PRELID2: variants seen among roughly 807,000 people sequenced by gnomAD.
PRELID2 encodes PRELI domain containing 2.
In PRELID2, 25 loss-of-function variants were observed where a neutral mutation model predicts 28.4. The ratio of observed to expected loss-of-function variants is 0.88; its 90% CI spans 0.64 to 1.23. The LOEUF (loss-of-function observed/expected upper bound fraction) is 1.23, where lower values mean the gene tolerates loss of function less well. PRELID2 is among the 50% of genes most tolerant of loss of function. PRELID2 has a pLI of 0.00. For missense variants in PRELID2, 201 were observed against 214.4 expected (o/e 0.94, Z 0.39); for synonymous variants, 76 against 71.6 (o/e 1.06, Z -0.31).
At chr5:145,377,252 ATTGT>A in the PRELID2 span, among the ~76,000 whole-genome samples, 14 of 152,204 alleles carry the variant, frequency 9.2e-5, 1 homozygote, top group African/African-American at 2.9e-4. Context: ...GGTCTGACAG[ATTGT>A]TTGTTATGAT....
chr5:145,538,609 G>A (rs986162673), intron 1 of PRELID2, among the ~76,000 whole-genome samples: 1 of 151,906 alleles, frequency 6.6e-6, no homozygotes, highest in African/African-American at 2.4e-5. Context: ...GTATCAGAAG[G>A]TGTCTAGCTG....
intron 1 of PRELID2, among the ~76,000 whole-genome samples, chr5:145,740,265 A>AATATATATATAT (rs70998029): frequency 1.2e-4 from 5 of 40,646 alleles, no homozygotes; most frequent in Non-Finnish European, 1.9e-4. Flanking sequence ...GGATTTATCA[A>AATATATATATAT]ATATATATAT....
chr5:145,419,560 C>T, the PRELID2 span, among the ~76,000 whole-genome samples: 2 of 138,916 alleles, frequency 1.4e-5, no homozygotes, highest in Admixed American at 1.5e-4. Flanking sequence ...GTCCTTCGCC[C>T]ACTTTTTGAT....
chr5:145,327,068 C>G, the PRELID2 span, among the ~76,000 whole-genome samples: 18 of 152,106 alleles, frequency 1.2e-4, no homozygotes, highest in African/African-American at 4.3e-4. Flanking sequence ...GGCCTAAAAT[C>G]GTAAAAATCA....
intron 1 of PRELID2, among the ~76,000 whole-genome samples, chr5:145,520,891 C>T (rs1426102188): frequency 1.3e-5 from 2 of 152,124 alleles, no homozygotes; most frequent in East Asian, 1.9e-4. Flanking sequence ...ACCTGGACCA[C>T]ATTCTTATTT....
At chr5:145,577,019 C>G (rs928154671) in intron 1 of PRELID2, among the ~76,000 whole-genome samples, 1 of 152,124 alleles carries the variant, frequency 6.6e-6, no homozygotes, top group African/African-American at 2.4e-5. Context: ...TAAGGCACTT[C>G]CCAGCACCAC....
chr5:145,559,297 T>C (rs896916089), intron 1 of PRELID2, among the ~76,000 whole-genome samples: 18 of 150,184 alleles, frequency 1.2e-4, no homozygotes, highest in South Asian at 4.2e-4. Context: ...CTGTAATAAA[T>C]GTCCATCAAA....
At chr5:145,313,367 T>A in the PRELID2 span, among the ~76,000 whole-genome samples, 1 of 152,232 alleles carries the variant, frequency 6.6e-6, no homozygotes, top group Non-Finnish European at 1.5e-5. Flanking sequence ...GCCTTCTTAA[T>A]TTGAGAAGGG....
At chr5:145,489,262 G>A (rs780970770) in intron 1 of PRELID2, among the ~76,000 whole-genome samples, 13 of 152,038 alleles carry the variant, frequency 8.6e-5, no homozygotes, top group African/African-American at 7.2e-5. Flanking sequence ...GGATTCCACC[G>A]GATAAACGAA....
chr5:145,504,560 T>C (rs1178413316), intron 1 of PRELID2, among the ~76,000 whole-genome samples: 3 of 152,176 alleles, frequency 2.0e-5, no homozygotes, highest in Non-Finnish European at 4.4e-5. Flanking sequence ...TAAGGCAACG[T>C]GGGGTCATGA....
intron 1 of PRELID2, among the ~76,000 whole-genome samples, chr5:145,658,258 G>A (rs993277537): frequency 4.6e-5 from 7 of 152,168 alleles, no homozygotes; most frequent in Admixed American, 2.6e-4. Flanking sequence ...AAGGCAGATC[G>A]AAAATGTGGT....
At chr5:145,500,184 G>A (rs1292784149) in intron 1 of PRELID2, among the ~76,000 whole-genome samples, 1 of 152,128 alleles carries the variant, frequency 6.6e-6, no homozygotes, top group Non-Finnish European at 1.5e-5. Flanking sequence ...GTTGGAGGAG[G>A]GGCCTGGTGG....
the PRELID2 span, among the ~76,000 whole-genome samples, chr5:145,369,150 T>C: frequency 2.0e-5 from 3 of 152,010 alleles, no homozygotes; most frequent in Non-Finnish European, 1.5e-5. Flanking sequence ...ATGATTTTGT[T>C]CTTTAAAAAA....
intron 5 of PRELID2, among the ~76,000 whole-genome samples, chr5:145,793,870 T>C (rs1244779279): frequency 6.6e-6 from 1 of 152,032 alleles, no homozygotes; most frequent in Non-Finnish European, 1.5e-5. Context: ...AGTGGGATCA[T>C]GCTAGAAACT....
chr5:145,725,172 T>C (rs1338975638), intron 1 of PRELID2, among the ~76,000 whole-genome samples: 1 of 152,014 alleles, frequency 6.6e-6, no homozygotes, highest in African/African-American at 2.4e-5. Context: ...AAAAGAGCAA[T>C]CCCAGTAGAA....
intron 1 of PRELID2, among the ~76,000 whole-genome samples, chr5:145,646,847 G>T (rs1754205289): frequency 6.6e-6 from 1 of 152,190 alleles, no homozygotes; most frequent in African/African-American, 2.4e-5. Flanking sequence ...CACCAGCGGA[G>T]GCTGCAGTAC....
the PRELID2 span, among the ~76,000 whole-genome samples, chr5:145,254,506 G>T: frequency 7.9e-5 from 12 of 152,086 alleles, no homozygotes; most frequent in African/African-American, 2.7e-4. Context: ...GAAGAGCAAT[G>T]AAGAGAAAGT....
intron 1 of PRELID2, among the ~76,000 whole-genome samples, chr5:145,538,793 T>C (rs1752722386): frequency 6.6e-6 from 1 of 151,950 alleles, no homozygotes; most frequent in African/African-American, 2.4e-5. Flanking sequence ...AAGCAACCAA[T>C]CTTTCCTGCA....
chr5:145,721,925 CCAAATAACAGAGCAACCACCTG>C (rs1411955457), intron 1 of PRELID2, among the ~76,000 whole-genome samples: 2 of 152,068 alleles, frequency 1.3e-5, no homozygotes, highest in African/African-American at 4.8e-5. Context: ...TATTTATGCA[CCAAATAACAGAGCAACCACCTG>C]CATAAAGCAG....
Sources: allele counts gnomAD v4.1 joint callset (sites outside exome capture counted in the v4.1 genomes callset), GRCh38; gene constraint gnomAD v4.1.1; transcripts MANE v1.5; gene names NCBI Gene and HGNC (gene_info 2026-07-23, HGNC 2026-07-21).